Variants in SUSD6 observed in about 807,000 individuals in gnomAD.
SUSD6 encodes the protein sushi domain containing 6.
In SUSD6, 16 loss-of-function variants were observed where a neutral mutation model predicts 28.4. The ratio of observed to expected loss-of-function variants is 0.56; its 90% CI spans 0.38 to 0.86. The LOEUF (loss-of-function observed/expected upper bound fraction) is 0.86, where lower values mean the gene tolerates loss of function less well. Among genes scored for constraint, SUSD6 ranks in the 40% least tolerant of loss-of-function variants. The pLI is 0.00. For missense variants in SUSD6, 341 were observed against 384.2 expected, an observed-to-expected ratio of 0.89 and a Z score of 0.94; for synonymous variants, 147 against 159.6, an observed-to-expected ratio of 0.92 and a Z score of 0.59.
intron 2 of SUSD6, among the ~76,000 whole-genome samples, chr14:69,666,754 A>C (rs1023605500): frequency 6.6e-6 from 1 of 152,168 alleles, no homozygotes; most frequent in African/African-American, 2.4e-5. Flanking sequence ...TTAGTCATCC[A>C]AAATTCTGGG....
At chr14:69,673,246 C>A (rs1197393527) in intron 2 of SUSD6, among the ~76,000 whole-genome samples, 3 of 152,094 alleles carry the variant, frequency 2.0e-5, no homozygotes, top group Non-Finnish European at 4.4e-5. Flanking sequence ...CTCTAGAGGG[C>A]TTGTTAAACA....
rs528837712 is a variant in SUSD6 at position 69,713,216 on chromosome 14, A to T, written c.*2237A>T. On this transcript the variant is annotated 3_prime_UTR_variant, in exon 6 of 6. Transcript: ENST00000342745. ...GGTTTATTCAGCTGCATAGATGACC[A>T]GCTTGATCCCTGGTGAAATGAAAAG... 2.6e-4 allele frequency: 40 copies of T among 152,410 alleles called. No individual in the cohort carries two copies. Among genetic ancestry groups the T allele is most frequent in the African/African-American group, 9.6e-4 (40 of 41,596 alleles). 9.4% of individuals were successfully genotyped at this position (152,410 alleles called of 1,614,324 possible).
intron 5 of SUSD6, among the ~76,000 whole-genome samples, chr14:69,709,903 C>T (rs1886438139): frequency 6.6e-6 from 1 of 152,186 alleles, no homozygotes; most frequent in Non-Finnish European, 1.5e-5. Flanking sequence ...AAGACTTGTA[C>T]ACTCAGAAAG....
chr14:69,698,024 A>G (rs1886251963), intron 2 of SUSD6, among the ~76,000 whole-genome samples: 1 of 152,238 alleles, frequency 6.6e-6, no homozygotes, highest in Non-Finnish European at 1.5e-5. Flanking sequence ...AAGTGATAGC[A>G]AGTTGATTAG....
In SUSD6 at chr14:69,711,139, T is replaced by C; in HGVS notation, c.*160T>C. On this transcript the variant is annotated 3_prime_UTR_variant, in exon 6 of 6. Coordinates refer to ENST00000342745, the MANE Select transcript of SUSD6 (RefSeq NM_014734.4). Reference sequence around the variant, plus strand: ...TGAGGGCCCTATAGGCCCACCTTGCTGGAAACTCAAGGAAGATTCTCGCCA... The same window carrying C: ...TGAGGGCCCTATAGGCCCACCTTGCCGGAAACTCAAGGAAGATTCTCGCCA... The C allele has an allele frequency of 1.5e-6, 1 of 669,908 alleles. No individual in the cohort carries two copies. The highest frequency in any genetic ancestry group is 2.6e-6 in the Non-Finnish European group (1 of 385,070). The allele number at this position is 669,908 out of a possible 1,614,324, so 41.5% of individuals were successfully genotyped here.
chr14:69,677,060 A>G (rs1298228485), intron 2 of SUSD6, among the ~76,000 whole-genome samples: 2 of 152,164 alleles, frequency 1.3e-5, no homozygotes. Flanking sequence ...ACTTGATGAG[A>G]AGAGGACTAA....
chr14:69,622,257 C>T (rs1386700583), intron 1 of SUSD6, among the ~76,000 whole-genome samples: 2 of 152,246 alleles, frequency 1.3e-5, no homozygotes, highest in African/African-American at 2.4e-5. Flanking sequence ...CTTGACCTTA[C>T]GGGCTTATGC....
intron 2 of SUSD6, among the ~76,000 whole-genome samples, chr14:69,699,709 G>A (rs1230555896): frequency 6.6e-6 from 1 of 152,066 alleles, no homozygotes; most frequent in Non-Finnish European, 1.5e-5. Flanking sequence ...GTTGTTGTCT[G>A]GGGTAATATC....
At chr14:69,635,941 C>G (rs113234102) in intron 1 of SUSD6, among the ~76,000 whole-genome samples, 1 of 152,234 alleles carries the variant, frequency 6.6e-6, no homozygotes, top group South Asian at 2.1e-4. Flanking sequence ...TTTCATCACA[C>G]CTATGCTTCA....
chr14:69,650,407 C>G (rs1335426191), intron 1 of SUSD6, among the ~76,000 whole-genome samples: 1 of 152,138 alleles, frequency 6.6e-6, no homozygotes, highest in African/African-American at 2.4e-5. Flanking sequence ...CCCAATTGCC[C>G]TAGACCACCC....
At chr14:69,709,136 G>A (rs1886427896) in intron 5 of SUSD6, 32 bp downstream of exon 5, 1 of 1,514,892 alleles carries the variant, frequency 6.6e-7, no homozygotes, top group African/African-American at 1.4e-5. Context: ...TGAATTATTA[G>A]CTGCTTAGGG....
chr14:69,682,113 CTT>C (rs1390711279), intron 2 of SUSD6, among the ~76,000 whole-genome samples: 1 of 152,058 alleles, frequency 6.6e-6, no homozygotes, highest in African/African-American at 2.4e-5. Context: ...GGGAAGACCA[CTT>C]GAGGCCAGGA....
At chr14:69,614,605 G>T (rs1884931856) in intron 1 of SUSD6, among the ~76,000 whole-genome samples, 1 of 152,092 alleles carries the variant, frequency 6.6e-6, no homozygotes, top group Non-Finnish European at 1.5e-5. Context: ...CTTGGCTTTT[G>T]CTTCAAATAT....
intron 2 of SUSD6, among the ~76,000 whole-genome samples, chr14:69,687,748 G>A (rs2139634859): frequency 6.6e-6 from 1 of 152,358 alleles, no homozygotes; most frequent in African/African-American, 2.4e-5. Flanking sequence ...ACGACATGGA[G>A]TTGATAAGCA....
intron 1 of SUSD6, among the ~76,000 whole-genome samples, chr14:69,624,741 C>T (rs1885091052): frequency 6.6e-6 from 1 of 152,162 alleles, no homozygotes; most frequent in Non-Finnish European, 1.5e-5. Context: ...AGGCGTGAGC[C>T]ACCGTGCCTG....
At chr14:69,703,629 T>C (rs762953306) in intron 3 of SUSD6, 37 bp downstream of exon 3, 2 of 1,584,916 alleles carry the variant, frequency 1.3e-6, no homozygotes, top group African/African-American at 2.7e-5. Flanking sequence ...GCTGCTGGGG[T>C]TCTGCTTTCT....
intron 1 of SUSD6, among the ~76,000 whole-genome samples, chr14:69,619,284 T>G (rs1326675357): frequency 6.6e-6 from 1 of 152,238 alleles, no homozygotes; most frequent in African/African-American, 2.4e-5. Context: ...CCAATTCTTC[T>G]GAAAGAAAAC....
chr14:69,708,092 A>T (rs1594725573), intron 4 of SUSD6, among the ~76,000 whole-genome samples: 1 of 152,378 alleles, frequency 6.6e-6, no homozygotes, highest in East Asian at 1.9e-4. Context: ...CTTTTAAAAA[A>T]AGCAGTATGG....
At chr14:69,643,853 A>C (rs962593328) in intron 1 of SUSD6, among the ~76,000 whole-genome samples, 1 of 152,232 alleles carries the variant, frequency 6.6e-6, no homozygotes, top group Non-Finnish European at 1.5e-5. Flanking sequence ...GTAAAGCAGC[A>C]TACCTAGGCC....
Sources: gnomAD v4.1 joint callset for allele counts (sites outside exome capture counted in the v4.1 genomes callset) on GRCh38, gnomAD v4.1.1 for gene constraint, MANE v1.5 for transcripts, NCBI Gene and HGNC (gene_info 2026-07-23, HGNC 2026-07-21) for gene names.